The following RELN variants were observed in gnomAD, a reference collection of about 807,000 sequenced individuals.
RELN encodes the protein reelin.
RELN carries 108 observed loss-of-function variants against 427.6 expected under a neutral mutation model. That is an observed-to-expected ratio of 0.25 (90% confidence interval 0.22 to 0.30). The LOEUF is 0.30. RELN is among the 10% of genes least tolerant of loss of function. The pLI, the probability that RELN is intolerant of heterozygous loss-of-function variation, is 1.00. For synonymous variants in RELN, 1,524 were observed against 1,513.4 expected (o/e 1.01, Z -0.16); for missense variants, 3,715 against 4,302.8 (o/e 0.86, Z 3.82).
rs150377971 is a variant in RELN, at chr7:103,948,283, GCA to G, written c.227-31100_227-31099del. Among the ~76,000 whole-genome samples, 243 of 152,002 alleles carry G rather than the reference GCA, an allele frequency of 1.6e-3. 2 individuals are homozygous for G. Among genetic ancestry groups the G allele is most frequent in the African/African-American group, 5.5e-3 (228 of 41,492 alleles). ...TCTAGGTGCTGGTGAACACACACATGCACACACACACATATACTTACTTCATT... is the reference window on the plus strand; with the variant it reads ...TCTAGGTGCTGGTGAACACACACATGCACACACACATATACTTACTTCATT... On this transcript the variant is annotated intron_variant, in intron 1 of 64. Coordinates refer to ENST00000428762, the MANE Select transcript of RELN (RefSeq NM_005045.4).
chr7:103,902,319 TCTC>T (rs1795100917), intron 2 of RELN, among the ~76,000 whole-genome samples: 1 of 152,060 alleles, frequency 6.6e-6, no homozygotes, highest in Non-Finnish European at 1.5e-5. Flanking sequence ...AAAAGAATCT[TCTC>T]ATAATCAAAT....
chr7:103,668,325 AT>A (rs1412082039), intron 11 of RELN, among the ~76,000 whole-genome samples: 3 of 152,200 alleles, frequency 2.0e-5, no homozygotes, highest in Non-Finnish European at 4.4e-5. Flanking sequence ...CTTGTGTTTA[AT>A]ATTTAAAAAG....
At chr7:103,485,229 CAAAAAAAAAAAAA>C (rs35324403) in intron 61 of RELN, among the ~76,000 whole-genome samples, 39 of 96,484 alleles carry the variant, frequency 4.0e-4, no homozygotes, top group African/African-American at 9.5e-4. Context: ...TTTGGCAGGC[CAAAAAAAAAAAAA>C]AAAAAAAAAA....
chr7:103,582,538 A>G (rs1261595012), intron 28 of RELN, among the ~76,000 whole-genome samples: 10 of 152,222 alleles, frequency 6.6e-5, no homozygotes, highest in Non-Finnish European at 2.9e-5. Context: ...TTTAAAGATT[A>G]TGTTTCAAAG....
chr7:103,791,708 G>GA lies in RELN; in HGVS notation c.474-15082dup, dbSNP rs569007889. Among the ~76,000 whole-genome samples the GA allele has an allele frequency of 8.6e-5, 13 of 151,362 alleles. No homozygotes were observed. In the East Asian group the frequency reaches 2.5e-3, roughly 29 times the overall value. ...CTTAAATATAACATGAAAGGTGAAA[G>GA]AAAAAAATAGATGAATAGAACTTTA... is the stretch of plus-strand genomic sequence containing the variant. On this transcript the variant is annotated intron_variant, in intron 3 of 64. Transcript: ENST00000428762.
At chr7:103,590,639 G>A (rs1831391929) in intron 27 of RELN, among the ~76,000 whole-genome samples, 1 of 151,986 alleles carries the variant, frequency 6.6e-6, no homozygotes, top group African/African-American at 2.4e-5. Flanking sequence ...TGAAACAGCT[G>A]AGTGTTTATC....
At chr7:103,693,691 A>G (rs1379647748) in intron 10 of RELN, among the ~76,000 whole-genome samples, 1 of 152,138 alleles carries the variant, frequency 6.6e-6, no homozygotes, top group East Asian at 1.9e-4. Flanking sequence ...GGAAGTCATC[A>G]AAGGTCTTAA....
intron 1 of RELN, among the ~76,000 whole-genome samples, chr7:103,921,180 A>C (rs1795610059): frequency 6.6e-6 from 1 of 152,198 alleles, no homozygotes; most frequent in Admixed American, 6.6e-5. Context: ...TATAAACTCC[A>C]TCTGACATCC....
intron 51 of RELN, among the ~76,000 whole-genome samples, chr7:103,505,379 G>A (rs1210876784): frequency 2.0e-5 from 3 of 152,168 alleles, no homozygotes; most frequent in African/African-American, 7.2e-5. Flanking sequence ...GGAACAGGCA[G>A]CAATCTTTGC....
intron 1 of RELN, among the ~76,000 whole-genome samples, chr7:103,987,080 A>AAAAAAC (rs970883851): frequency 4.0e-5 from 6 of 151,848 alleles, no homozygotes; most frequent in African/African-American, 1.5e-4. Context: ...TTTACAAAAA[A>AAAAAAC]AAAAAAAAAA....
At chr7:103,674,635 G>A (rs1352608946) in intron 11 of RELN, among the ~76,000 whole-genome samples, 2 of 151,942 alleles carry the variant, frequency 1.3e-5, no homozygotes, top group South Asian at 2.1e-4. Context: ...AGAAGTGGGT[G>A]TACTGCTGCT....
intron 1 of RELN, among the ~76,000 whole-genome samples, chr7:103,976,582 ATATAGCTGG>A (rs1405235213): frequency 2.0e-5 from 3 of 152,204 alleles, no homozygotes; most frequent in Non-Finnish European, 4.4e-5. Flanking sequence ...GTTGGCCTTA[ATATAGCTGG>A]AGAGACTACA....
At chr7:103,478,291 T>A (rs1828106965) in intron 64 of RELN, 98 bp downstream of exon 64, 2 of 628,438 alleles carry the variant, frequency 3.2e-6, no homozygotes, top group Non-Finnish European at 5.7e-6. Context: ...TTTTTTTTTT[T>A]AGTTGCAAAG....
intron 3 of RELN, among the ~76,000 whole-genome samples, chr7:103,777,649 T>C (rs981035325): frequency 9.2e-5 from 14 of 152,132 alleles, no homozygotes; most frequent in South Asian, 2.1e-4. Flanking sequence ...CTGGGCCCAG[T>C]AGGGCTTCCT....
rs553895791 is a variant in RELN at position 103,883,007 on chromosome 7, C to T, written c.337+34068G>A. Among the ~76,000 whole-genome samples the T allele has an allele frequency of 2.6e-5, 4 of 152,304 alleles. 1 individual carries two copies. Among genetic ancestry groups the T allele is most frequent in the African/African-American group, 9.6e-5 (4 of 41,566 alleles). Reference sequence around the variant, plus strand: ...TAAAAAGAAAATTTCAGGCCAATATCCCTGATGAATATTGATGCAAAAATC... The same window carrying T: ...TAAAAAGAAAATTTCAGGCCAATATTCCTGATGAATATTGATGCAAAAATC... On this transcript the variant is annotated intron_variant, in intron 2 of 64. Coordinates refer to ENST00000428762, the MANE Select transcript of RELN (RefSeq NM_005045.4).
intron 6 of RELN, among the ~76,000 whole-genome samples, chr7:103,748,219 C>T (rs1292889000): frequency 6.7e-6 from 1 of 148,342 alleles, no homozygotes; most frequent in East Asian, 2.0e-4. Flanking sequence ...AAGCAGAGTT[C>T]TATTGATAAA....
intron 10 of RELN, among the ~76,000 whole-genome samples, chr7:103,696,158 C>T (rs535850723): frequency 2.0e-5 from 3 of 152,212 alleles, no homozygotes; most frequent in African/African-American, 7.2e-5. Flanking sequence ...ATCCTCACCC[C>T]TTTCTAGCTC....
intron 10 of RELN, among the ~76,000 whole-genome samples, chr7:103,683,355 G>T (rs1833694295): frequency 6.6e-6 from 1 of 151,960 alleles, no homozygotes. Flanking sequence ...ATGAGGGAAT[G>T]ACATGGAAAT....
chr7:103,630,181 AG>A lies in RELN; in HGVS notation c.2466-6del. 3 of 1,582,466 alleles carry A rather than the reference AG, an allele frequency of 1.9e-6. No homozygotes were observed. Among genetic ancestry groups the A allele is most frequent in the Non-Finnish European group, 2.6e-6 (3 of 1,152,544 alleles). ...GGTAGTTCTACGGAGATTATTCTAG[AG>A]AAAAAAAAAAAGTCAAAATTTAGAT... On this transcript the variant is annotated splice_region_variant and splice_polypyrimidine_tract_variant and intron_variant, in intron 19 of 64. Transcript: ENST00000428762.
Sources: gnomAD v4.1 joint callset for allele counts (sites outside exome capture counted in the v4.1 genomes callset) on GRCh38, gnomAD v4.1.1 for gene constraint, MANE v1.5 for transcripts, NCBI Gene and HGNC (gene_info 2026-07-23, HGNC 2026-07-21) for gene names.